The following BTBD3 variants were observed in gnomAD, a reference collection of about 807,000 sequenced individuals.
BTBD3 encodes the protein BTB/POZ domain-containing protein 3.
A neutral mutation model predicts 41.6 loss-of-function variants in BTBD3; 14 were observed. The observed-to-expected ratio is 0.34, with a 90% confidence interval of 0.22 to 0.53. The LOEUF (loss-of-function observed/expected upper bound fraction) is 0.53. Ranked by LOEUF, BTBD3 falls within the 20% of genes least tolerant of loss-of-function variation. BTBD3 has a pLI of 0.95. For synonymous variants in BTBD3, 249 were observed against 233.7 expected (o/e 1.07, Z -0.60); for missense variants, 426 against 654.7 (o/e 0.65, Z 3.81).
At chr20:11,904,389 TC>T (rs1355776769) in intron 1 of BTBD3, among the ~76,000 whole-genome samples, 1 of 152,152 alleles carries the variant, frequency 6.6e-6, no homozygotes, top group Non-Finnish European at 1.5e-5. Flanking sequence ...ACCCCTATGA[TC>T]CAGTCACCTC....
intron 1 of BTBD3, among the ~76,000 whole-genome samples, chr20:11,911,583 A>G (rs1883793): frequency 0.73 from 110,664 of 152,002 alleles, 40,748 homozygotes; most frequent in Non-Finnish European, 0.78. Flanking sequence ...TTGCAGAAAA[A>G]AAAAATCTCA....
At chr20:11,922,607 C>A in intron 3 of BTBD3, 27 bp from the exon 4 acceptor site, 1 of 1,564,008 alleles carries the variant, frequency 6.4e-7, no homozygotes, top group Non-Finnish European at 8.7e-7. Context: ...GTGAAAATTC[C>A]ACTTACATGT....
At chr20:11,904,818 C>T (rs1487879423) in intron 1 of BTBD3, among the ~76,000 whole-genome samples, 1 of 152,158 alleles carries the variant, frequency 6.6e-6, no homozygotes, top group Non-Finnish European at 1.5e-5. Flanking sequence ...GTAGTAGTTT[C>T]TTAAAGGTTA....
chr20:11,922,554 C>G, intron 3 of BTBD3, 80 bp from the exon 4 acceptor site: 1 of 1,321,148 alleles, frequency 7.6e-7, no homozygotes, highest in East Asian at 2.3e-5. Context: ...TCAGAACAAA[C>G]TTGAAAGTGG....
intron 1 of BTBD3, chr20:11,909,806 C>G (rs530669614): frequency 1.3e-5 from 2 of 152,236 alleles, no homozygotes; most frequent in African/African-American, 4.8e-5. Context: ...AAATAAAAAG[C>G]TTTTTCTGGC....
chr20:11,893,384 T>G (rs2056767948), intron 1 of BTBD3, among the ~76,000 whole-genome samples: 1 of 152,204 alleles, frequency 6.6e-6, no homozygotes, highest in Non-Finnish European at 1.5e-5. Flanking sequence ...GGTGAATTTT[T>G]CCCATTTACT....
At chr20:11,899,881 A>G (rs1241768055) in intron 1 of BTBD3, among the ~76,000 whole-genome samples, 1 of 152,248 alleles carries the variant, frequency 6.6e-6, no homozygotes, top group Non-Finnish European at 1.5e-5. Context: ...CAACTGAAGA[A>G]TACACAATAA....
chr20:11,907,832 T>C (rs1232480), intron 1 of BTBD3, among the ~76,000 whole-genome samples: 110,561 of 151,962 alleles, frequency 0.73, 40,678 homozygotes, highest in Non-Finnish European at 0.78. Context: ...AAAGATCTAA[T>C]TGGGAATTGA....
intron 1 of BTBD3, among the ~76,000 whole-genome samples, chr20:11,903,731 G>A (rs1221163287): frequency 3.3e-5 from 5 of 151,830 alleles, no homozygotes; most frequent in African/African-American, 4.8e-5. Context: ...TTCAGCGTCC[G>A]GAGTAGCTGG....
At position 11,922,488 on chromosome 20, in the gene BTBD3, A is replaced by G. The variant is rs1473386668; in HGVS notation, c.537-146A>G. The G allele has an allele frequency of 4.8e-6, 3 of 622,240 alleles. No individual in the cohort carries two copies. In the Admixed American group the frequency reaches 1.0e-4, roughly 21 times the overall value. The allele number at this position is 622,240 out of a possible 1,614,324, so 38.5% of individuals were successfully genotyped here. On this transcript the variant is annotated intron_variant, in intron 3 of 3. Coordinates refer to ENST00000378226, the MANE Select transcript of BTBD3 (RefSeq NM_014962.4). ...ATTAATAATTTATTAATATGTTTCGAATGTTCCTTTACTCTGCAAATATGT... is the reference window on the plus strand; with the variant it reads ...ATTAATAATTTATTAATATGTTTCGGATGTTCCTTTACTCTGCAAATATGT...
At chr20:11,890,993 C>G (rs1317280602) in intron 1 of BTBD3, 1 of 980,874 alleles carries the variant, frequency 1.0e-6, no homozygotes, top group Non-Finnish European at 1.2e-6. Flanking sequence ...TCGGCGCCTC[C>G]GCGCGTGCGC....
intron 1 of BTBD3, among the ~76,000 whole-genome samples, chr20:11,908,476 G>A (rs1170606969): frequency 1.3e-5 from 2 of 151,732 alleles, no homozygotes; most frequent in African/African-American, 4.8e-5. Flanking sequence ...TGCAGAGACT[G>A]GAGAAACTCA....
chr20:11,897,002 C>T (rs954640173), intron 1 of BTBD3, among the ~76,000 whole-genome samples: 1 of 152,164 alleles, frequency 6.6e-6, no homozygotes, highest in Non-Finnish European at 1.5e-5. Flanking sequence ...TGTTATTCCT[C>T]CTTTTTTAAT....
upstream of BTBD3, among the ~76,000 whole-genome samples, chr20:11,913,841 G>A (rs185790890): frequency 1.4e-3 from 217 of 152,284 alleles, 1 homozygote; most frequent in African/African-American, 5.1e-3. Flanking sequence ...AAATTCTGTG[G>A]ATAATTTTGT....
intron 1 of BTBD3, among the ~76,000 whole-genome samples, chr20:11,905,240 A>G (rs1222378611): frequency 1.3e-5 from 2 of 152,110 alleles, no homozygotes; most frequent in African/African-American, 4.8e-5. Flanking sequence ...CAGATACCTT[A>G]GTCTGAATAA....
intron 1 of BTBD3, among the ~76,000 whole-genome samples, chr20:11,895,845 T>A (rs367789789): frequency 7.2e-5 from 11 of 152,214 alleles, no homozygotes; most frequent in Non-Finnish European, 1.2e-4. Flanking sequence ...ACTTCTCGGC[T>A]TTTCTCACTG....
intron 1 of BTBD3, among the ~76,000 whole-genome samples, chr20:11,907,467 G>A (rs2056861938): frequency 6.6e-6 from 1 of 152,204 alleles, no homozygotes; most frequent in Non-Finnish European, 1.5e-5. Context: ...ATTGGACTTG[G>A]AAGTGTTGGG....
intron 1 of BTBD3, among the ~76,000 whole-genome samples, chr20:11,894,665 A>G (rs34018611): frequency 0.33 from 50,162 of 151,010 alleles, 8,501 homozygotes; most frequent in Non-Finnish European, 0.37. Context: ...TCCACAGGCC[A>G]TTATTTCTTT....
chr20:11,922,753 G>A lies in BTBD3; in HGVS notation c.656G>A (p.Ser219Asn), dbSNP rs2056981773. 6.2e-7 allele frequency: 1 copy of A among 1,614,224 alleles called. No individual in the cohort carries two copies. The highest frequency in any genetic ancestry group is 8.5e-7 in the Non-Finnish European group (1 of 1,180,048). The change falls in exon 4 of 4, where the codon AGC (serine) becomes AAC (asparagine). Residue 219 changes from serine (S) to asparagine (N), a missense_variant. Coordinates refer to ENST00000378226, the MANE Select transcript of BTBD3 (RefSeq NM_014962.4). ...GCCTGTGTTAATTTCCTGGAGACCA[G>A]CCTGAGTGCCAAGAATGCCTGTGTG... ...ARACVNFLET[S>N]LSAKNACVLL...
Sources: gnomAD v4.1 joint callset for allele counts (sites outside exome capture counted in the v4.1 genomes callset) on GRCh38, gnomAD v4.1.1 for gene constraint, MANE v1.5 for transcripts, NCBI Gene and HGNC (gene_info 2026-07-23, HGNC 2026-07-21) for gene names.